WDPCP: variants seen among roughly 807,000 people sequenced by gnomAD.
WDPCP encodes WD repeat-containing and planar cell polarity effector protein fritz homolog.
In WDPCP, 71 loss-of-function variants were observed where a neutral mutation model predicts 93.1. The observed-to-expected ratio is 0.76, with a 90% CI of 0.63 to 0.93. The LOEUF is 0.93. WDPCP is among the 40% of genes least tolerant of loss of function. The pLI is 0.00. For synonymous variants in WDPCP, 315 were observed against 315.0 expected, an observed-to-expected ratio of 1.00 and a Z score of 0.00; for missense variants, 844 against 887.4, an observed-to-expected ratio of 0.95 and a Z score of 0.62.
intron 2 of WDPCP, among the ~76,000 whole-genome samples, chr2:63,778,208 T>C (rs924986889): frequency 3.3e-5 from 4 of 121,418 alleles, no homozygotes; most frequent in Non-Finnish European, 5.0e-5. Context: ...CCACTTGTTT[T>C]TTGTTTTTTG....
At chr2:63,715,899 C>T (rs1459135773) in intron 2 of WDPCP, among the ~76,000 whole-genome samples, 1 of 152,168 alleles carries the variant, frequency 6.6e-6, no homozygotes, top group African/African-American at 2.4e-5. Context: ...AAAAGAAAGA[C>T]ATGGTATAGG....
chr2:63,622,007 C>T (rs1709743315), intron 3 of WDPCP, among the ~76,000 whole-genome samples: 2 of 151,616 alleles, frequency 1.3e-5, no homozygotes, highest in Non-Finnish European at 2.9e-5. Context: ...AGGTATATCT[C>T]CCAATGCTAT....
intron 14 of WDPCP, among the ~76,000 whole-genome samples, chr2:63,257,961 G>A (rs1195062688): frequency 6.6e-6 from 1 of 152,062 alleles, no homozygotes; most frequent in Admixed American, 6.6e-5. Context: ...ATGGCTAGAG[G>A]GATAGGGATG....
intron 10 of WDPCP, among the ~76,000 whole-genome samples, chr2:63,392,582 C>T (rs1575313181): frequency 6.6e-6 from 1 of 152,136 alleles, no homozygotes; most frequent in East Asian, 1.9e-4. Flanking sequence ...AAGAAACTAC[C>T]ATTAGAGTGA....
At chr2:63,350,966 TCAA>T (rs1358636894) in intron 12 of WDPCP, among the ~76,000 whole-genome samples, 2 of 125,142 alleles carry the variant, frequency 1.6e-5, no homozygotes, top group Non-Finnish European at 3.2e-5. Flanking sequence ...TTATTAAATA[TCAA>T]CATTTATTTA....
chr2:63,458,137 G>GA lies in WDPCP; in HGVS notation c.385-18267dup, dbSNP rs890733951. ...GACTCCGTCTCAAAAAAAAAAAAAA[G>GA]AAAAAAAAAACTGGAATAAGACAAG... is the stretch of plus-strand genomic sequence containing the variant. On this transcript the variant is annotated intron_variant, in intron 6 of 17. Transcript: ENST00000272321. Among the ~76,000 whole-genome samples, 555 of 106,070 alleles carry GA rather than the reference G, an allele frequency of 5.2e-3. 2 individuals are homozygous for GA. The highest frequency in any genetic ancestry group is 0.017 in the African/African-American group (473 of 28,036). 69.6% of individuals were successfully genotyped at this position (106,070 alleles called of 152,430 possible).
upstream of WDPCP, chr2:63,589,393 T>G: frequency 6.4e-7 from 1 of 1,550,420 alleles, no homozygotes; most frequent in Non-Finnish European, 8.7e-7. Flanking sequence ...AGGTTTGCGA[T>G]GGGAGGGAAA....
intron 2 of WDPCP, among the ~76,000 whole-genome samples, chr2:63,765,881 A>G (rs1309200655): frequency 6.6e-6 from 1 of 152,194 alleles, no homozygotes; most frequent in Non-Finnish European, 1.5e-5. Context: ...TAGCAGAAAC[A>G]TTTTACCAGG....
intron 14 of WDPCP, among the ~76,000 whole-genome samples, chr2:63,209,433 T>C (rs190259406): frequency 1.8e-4 from 28 of 152,322 alleles, no homozygotes; most frequent in African/African-American, 4.3e-4. Context: ...CTGAGCCTCA[T>C]TGAATTTTTT....
At chr2:63,809,472 G>T (rs980405354) in intron 2 of WDPCP, among the ~76,000 whole-genome samples, 1 of 152,270 alleles carries the variant, frequency 6.6e-6, no homozygotes, top group African/African-American at 2.4e-5. Context: ...AATACAAAGG[G>T]GGGAAAGGTG....
chr2:63,666,772 C>T (rs961359848), intron 2 of WDPCP, among the ~76,000 whole-genome samples: 8 of 152,108 alleles, frequency 5.3e-5, no homozygotes, highest in Non-Finnish European at 1.0e-4. Context: ...CTGAACGTGT[C>T]GGAACCTTAC....
chr2:63,494,209 A>C (rs1301003726), intron 1 of WDPCP, among the ~76,000 whole-genome samples: 1 of 152,054 alleles, frequency 6.6e-6, no homozygotes, highest in African/African-American at 2.4e-5. Flanking sequence ...GGCTGTGAGA[A>C]AGCTCAGACA....
chr2:63,274,952 A>G (rs1682967712), intron 13 of WDPCP, among the ~76,000 whole-genome samples: 1 of 152,204 alleles, frequency 6.6e-6, no homozygotes, highest in African/African-American at 2.4e-5. Flanking sequence ...CTATGAGGTC[A>G]ACATTACCTC....
At chr2:63,583,835 G>C (rs779395010) in intron 1 of WDPCP, among the ~76,000 whole-genome samples, 2 of 152,118 alleles carry the variant, frequency 1.3e-5, no homozygotes, top group Non-Finnish European at 2.9e-5. Flanking sequence ...ATACATATGA[G>C]TGGTCAGTGC....
chr2:63,738,719 G>C (rs927159567), intron 2 of WDPCP, among the ~76,000 whole-genome samples: 1 of 152,100 alleles, frequency 6.6e-6, no homozygotes, highest in Non-Finnish European at 1.5e-5. Flanking sequence ...AAATGTTTAT[G>C]TTTTTTAAAC....
intron 13 of WDPCP, among the ~76,000 whole-genome samples, chr2:63,261,649 C>A (rs1396893004): frequency 1.3e-5 from 2 of 152,150 alleles, no homozygotes; most frequent in Non-Finnish European, 2.9e-5. Context: ...CCATTCTTCA[C>A]ATATATAGAG....
intron 3 of WDPCP, among the ~76,000 whole-genome samples, chr2:63,601,946 C>G (rs970839554): frequency 6.6e-6 from 1 of 152,180 alleles, no homozygotes; most frequent in African/African-American, 2.4e-5. Flanking sequence ...CTGGTCATGG[C>G]AGACGTAAAA....
chr2:63,638,277 T>C (rs775327572), intron 3 of WDPCP, among the ~76,000 whole-genome samples: 1 of 152,132 alleles, frequency 6.6e-6, no homozygotes, highest in Non-Finnish European at 1.5e-5. Flanking sequence ...AAATTTGCTA[T>C]GAGAGTACAT....
chr2:63,725,811 T>A (rs1053406926), intron 2 of WDPCP, among the ~76,000 whole-genome samples: 11 of 152,150 alleles, frequency 7.2e-5, no homozygotes, highest in African/African-American at 2.7e-4. Context: ...ATGTTGAGCA[T>A]TTTTTTCATA....
Sources: allele counts gnomAD v4.1 joint callset (sites outside exome capture counted in the v4.1 genomes callset), GRCh38; gene constraint gnomAD v4.1.1; transcripts MANE v1.5; gene names NCBI Gene and HGNC (gene_info 2026-07-23, HGNC 2026-07-21).